SEMA3A: variants seen among roughly 807,000 people sequenced by gnomAD.
SEMA3A encodes the protein semaphorin-3A.
Under a neutral mutation model 97.9 loss-of-function variants are expected in SEMA3A, and 29 were observed. The ratio of observed to expected loss-of-function variants is 0.30; its 90% CI spans 0.22 to 0.40. The LOEUF (loss-of-function observed/expected upper bound fraction) is 0.40. SEMA3A is among the 10% of genes least tolerant of loss of function. SEMA3A has a pLI of 1.00. For missense variants in SEMA3A, 763 were observed against 951.3 expected (o/e 0.80, Z 2.60); for synonymous variants, 321 against 323.7 (o/e 0.99, Z 0.09).
At chr7:84,381,228 T>C (rs1238115857) in intron 1 of SEMA3A, among the ~76,000 whole-genome samples, 1 of 152,140 alleles carries the variant, frequency 6.6e-6, no homozygotes, top group Admixed American at 6.5e-5. Context: ...GGAGGAATGG[T>C]CATGGTGGGG....
chr7:84,472,388 G>T (rs914748370), intron 1 of SEMA3A, among the ~76,000 whole-genome samples: 18 of 152,224 alleles, frequency 1.2e-4, no homozygotes, highest in African/African-American at 4.3e-4. Flanking sequence ...AAATTGCAAG[G>T]AGAGCTTAAC....
intron 4 of SEMA3A, among the ~76,000 whole-genome samples, chr7:84,079,632 G>A (rs1035329663): frequency 1.3e-5 from 2 of 148,672 alleles, no homozygotes; most frequent in African/African-American, 5.0e-5. Flanking sequence ...TCAGAGAAAT[G>A]CAAATCAAAA....
chr7:84,190,673 G>T (rs948925710), intron 1 of SEMA3A, among the ~76,000 whole-genome samples: 1 of 148,478 alleles, frequency 6.7e-6, no homozygotes, highest in Non-Finnish European at 1.5e-5. Flanking sequence ...AACTTTTCAT[G>T]GGACACAAAA....
intron 2 of SEMA3A, among the ~76,000 whole-genome samples, chr7:84,357,679 T>A (rs1200126175): frequency 6.6e-6 from 1 of 151,822 alleles, no homozygotes; most frequent in Non-Finnish European, 1.5e-5. Flanking sequence ...TCAGATAGTA[T>A]TTCTAGTTCT....
chr7:84,475,081 C>T (rs1222504818), intron 1 of SEMA3A, among the ~76,000 whole-genome samples: 2 of 152,114 alleles, frequency 1.3e-5, no homozygotes, highest in African/African-American at 4.8e-5. Context: ...CCCTTCTCCC[C>T]CAACCCCCAA....
chr7:84,102,016 C>T (rs1289252703), intron 4 of SEMA3A, among the ~76,000 whole-genome samples: 3 of 151,838 alleles, frequency 2.0e-5, no homozygotes, highest in East Asian at 3.9e-4. Flanking sequence ...TATTTTTATT[C>T]CTTTTAATAT....
chr7:84,053,159 T>C (rs193149780), intron 5 of SEMA3A, among the ~76,000 whole-genome samples: 10,390 of 125,982 alleles, frequency 0.082, 1,466 homozygotes, highest in African/African-American at 0.26. Flanking sequence ...GGAATAGATG[T>C]GGTGTGGTGC....
At chr7:84,373,792 G>A (rs1033196382) in intron 1 of SEMA3A, among the ~76,000 whole-genome samples, 2 of 152,082 alleles carry the variant, frequency 1.3e-5, no homozygotes, top group Non-Finnish European at 1.5e-5. Flanking sequence ...TTCATATAAT[G>A]CATACATAGT....
At chr7:84,048,349 C>G (rs1279941806) in intron 5 of SEMA3A, among the ~76,000 whole-genome samples, 2 of 151,930 alleles carry the variant, frequency 1.3e-5, no homozygotes, top group Non-Finnish European at 2.9e-5. Context: ...TTCAAAGCCA[C>G]TTTGAAATAC....
intron 1 of SEMA3A, among the ~76,000 whole-genome samples, chr7:84,155,685 T>A (rs1796825727): frequency 6.6e-6 from 1 of 152,152 alleles, no homozygotes; most frequent in African/African-American, 2.4e-5. Flanking sequence ...TTACTCTAAC[T>A]TTTCCAGTAA....
chr7:84,429,657 A>C (rs2116315780), intron 1 of SEMA3A, among the ~76,000 whole-genome samples: 1 of 149,592 alleles, frequency 6.7e-6, no homozygotes, highest in Non-Finnish European at 1.5e-5. Flanking sequence ...TTCCCCTAAA[A>C]ATAGAAAGAT....
chr7:83,977,842 C>T (rs1437264077), intron 14 of SEMA3A, among the ~76,000 whole-genome samples: 16 of 143,578 alleles, frequency 1.1e-4, no homozygotes, highest in Admixed American at 1.0e-3. Flanking sequence ...CTCGCTCTGT[C>T]GCCCAGGCTG....
intron 4 of SEMA3A, among the ~76,000 whole-genome samples, chr7:84,066,565 C>A (rs983510235): frequency 1.3e-5 from 2 of 150,078 alleles, no homozygotes; most frequent in Admixed American, 6.6e-5. Flanking sequence ...TAAGCAACTT[C>A]AGCAAAGTCT....
At chr7:83,977,967 C>CTAA (rs1789232605) in intron 14 of SEMA3A, among the ~76,000 whole-genome samples, 1 of 151,884 alleles carries the variant, frequency 6.6e-6, no homozygotes, top group Admixed American at 6.6e-5. Context: ...CCATGCCCAG[C>CTAA]TAATTTTTTG....
At chr7:84,261,436 G>C (rs556562629) in intron 3 of SEMA3A, among the ~76,000 whole-genome samples, 2 of 152,362 alleles carry the variant, frequency 1.3e-5, no homozygotes, top group South Asian at 4.1e-4. Flanking sequence ...GGCCCTTTAA[G>C]GATCCAGATC....
At chr7:84,115,952 T>C (rs1398877019) in intron 3 of SEMA3A, among the ~76,000 whole-genome samples, 1 of 152,322 alleles carries the variant, frequency 6.6e-6, no homozygotes, top group Non-Finnish European at 1.5e-5. Context: ...TTATTTGGCA[T>C]ATTTAATTCT....
intron 2 of SEMA3A, among the ~76,000 whole-genome samples, chr7:84,334,392 T>C (rs1801982942): frequency 6.6e-6 from 1 of 152,110 alleles, no homozygotes; most frequent in Non-Finnish European, 1.5e-5. Flanking sequence ...TGAGATGAGA[T>C]TTTATGGATT....
intron 3 of SEMA3A, among the ~76,000 whole-genome samples, chr7:84,252,594 C>A (rs1420200384): frequency 1.3e-5 from 2 of 152,062 alleles, no homozygotes; most frequent in East Asian, 3.9e-4. Context: ...TATTGAAAAC[C>A]AAATTTCCCC....
chr7:84,458,623 T>G (rs779256511), intron 1 of SEMA3A, among the ~76,000 whole-genome samples: 1 of 152,046 alleles, frequency 6.6e-6, no homozygotes, highest in African/African-American at 2.4e-5. Flanking sequence ...GCTGTCAGGT[T>G]TGTTACTAGA....
Sources: allele counts gnomAD v4.1 joint callset (sites outside exome capture counted in the v4.1 genomes callset), GRCh38; gene constraint gnomAD v4.1.1; transcripts MANE v1.5; gene names NCBI Gene and HGNC (gene_info 2026-07-23, HGNC 2026-07-21).